Variants in TPRG1 observed in about 807,000 individuals in gnomAD.
TPRG1 encodes the protein tumor protein p63-regulated gene 1 protein.
A neutral mutation model predicts 29.3 loss-of-function variants in TPRG1; 29 were observed. That is an observed-to-expected ratio of 0.99 (90% CI 0.74 to 1.35). TPRG1 has a LOEUF of 1.35. Ranked by LOEUF, TPRG1 falls within the 40% of genes most tolerant of loss-of-function variation. TPRG1 has a pLI of 0.00. For missense variants in TPRG1, 327 were observed against 335.0 expected (o/e 0.98, Z 0.19); for synonymous variants, 130 against 116.8 (o/e 1.11, Z -0.73).
At chr3:189,015,775 GGGCCTGCA>G (rs1712898684) in intron 3 of TPRG1, among the ~76,000 whole-genome samples, 1 of 152,164 alleles carries the variant, frequency 6.6e-6, no homozygotes, top group Non-Finnish European at 1.5e-5. Flanking sequence ...ATGTGGTGTT[GGGCCTGCA>G]GGCACACAGA....
intron 4 of TPRG1, among the ~76,000 whole-genome samples, chr3:189,078,103 T>TTCTC (rs1249000690): frequency 2.5e-5 from 3 of 121,182 alleles, no homozygotes; most frequent in African/African-American, 9.0e-5. Context: ...CTTTCTTTCT[T>TTCTC]TCTTTCTTTC....
chr3:189,130,685 A>G (rs1210916119), intron 2 of TPRG1, among the ~76,000 whole-genome samples: 1 of 152,248 alleles, frequency 6.6e-6, no homozygotes, highest in East Asian at 1.9e-4. Context: ...TTCTGGCAGA[A>G]TATGAACTGC....
intron 3 of TPRG1, among the ~76,000 whole-genome samples, chr3:189,237,596 G>A (rs191636084): frequency 8.5e-4 from 130 of 152,254 alleles, no homozygotes; most frequent in Middle Eastern, 3.4e-3. Flanking sequence ...TGGTTTCAGC[G>A]TACTCTGAGA....
intron 4 of TPRG1, among the ~76,000 whole-genome samples, chr3:189,037,523 T>G (rs1342616418): frequency 1.3e-5 from 2 of 151,922 alleles, no homozygotes; most frequent in African/African-American, 2.4e-5. Flanking sequence ...CAACTTTCAG[T>G]AAGTATTTTT....
rs1724434172 is a variant in TPRG1, at chr3:189,322,845, G to A, written c.*2025G>A. On this transcript the variant is annotated 3_prime_UTR_variant, in exon 6 of 6. Coordinates refer to ENST00000345063, the MANE Select transcript of TPRG1 (RefSeq NM_198485.4). ...CAGGAGGGAGATGTTTCTTAGTTCT[G>A]AGAGCCAGTCTGTAACAATGGGATA... The A allele has an allele frequency of 6.6e-6, 1 of 152,058 alleles. No homozygotes were observed. Among genetic ancestry groups the A allele is most frequent in the African/African-American group, 2.4e-5 (1 of 41,424 alleles). 9.4% of individuals were successfully genotyped at this position (152,058 alleles called of 1,614,324 possible). A position where few individuals can be genotyped will look rare whatever the true frequency, so the allele number is the denominator to read the frequency against.
intron 4 of TPRG1, among the ~76,000 whole-genome samples, chr3:189,148,381 T>A (rs1174800956): frequency 6.6e-6 from 1 of 152,182 alleles, no homozygotes; most frequent in African/African-American, 2.4e-5. Context: ...TGGTTACAAC[T>A]GAATAAGTAC....
At chr3:189,056,031 C>CCCTTCCTTCCTTCCTTCCTTCCTT (rs1192339496) in intron 4 of TPRG1, among the ~76,000 whole-genome samples, 5 of 58,368 alleles carry the variant, frequency 8.6e-5, no homozygotes, top group Non-Finnish European at 1.3e-4. Flanking sequence ...TTCCCTCCCT[C>CCCTTCCTTCCTTCCTTCCTTCCTT]CCTTCCTTCC....
intron 4 of TPRG1, among the ~76,000 whole-genome samples, chr3:189,056,770 A>T (rs1261768249): frequency 6.6e-6 from 1 of 152,186 alleles, no homozygotes; most frequent in Admixed American, 6.5e-5. Context: ...TGAATCCATG[A>T]TACTGCAGCA....
intron 5 of TPRG1, among the ~76,000 whole-genome samples, chr3:189,154,888 G>T (rs1284374016): frequency 6.6e-6 from 1 of 152,186 alleles, no homozygotes; most frequent in Non-Finnish European, 1.5e-5. Context: ...GTTGGGGTGT[G>T]GTGGCTATAT....
intron 1 of TPRG1, among the ~76,000 whole-genome samples, chr3:189,206,044 C>CTTCCTTCCTTCCTTCA (rs1734282809): frequency 6.7e-6 from 1 of 149,152 alleles, no homozygotes; most frequent in Admixed American, 6.7e-5. Flanking sequence ...TCCTTCCTTC[C>CTTCCTTCCTTCCTTCA]TTTCTTCTGT....
intron 4 of TPRG1, among the ~76,000 whole-genome samples, chr3:189,040,310 C>G (rs1303480588): frequency 6.6e-6 from 1 of 152,114 alleles, no homozygotes; most frequent in Non-Finnish European, 1.5e-5. Context: ...AACTTCTATC[C>G]CTTCTTTAGC....
intron 4 of TPRG1, among the ~76,000 whole-genome samples, chr3:189,281,499 TC>T (rs1717120372): frequency 6.6e-6 from 1 of 152,172 alleles, no homozygotes; most frequent in Non-Finnish European, 1.5e-5. Context: ...GTCATTTATA[TC>T]CTGAGCCAAT....
intron 4 of TPRG1, among the ~76,000 whole-genome samples, chr3:189,287,159 C>T (rs1183901481): frequency 3.3e-5 from 5 of 152,046 alleles, no homozygotes; most frequent in Admixed American, 3.3e-4. Flanking sequence ...CCTCACTCTG[C>T]ATTTCAGACA....
In TPRG1 at chr3:189,003,701, A is replaced by T. The variant is rs140447911; in HGVS notation, c.-877-842A>T. Reference sequence around the variant, plus strand: ...TTATCCCTAGATGGGTTGGCATTACAGTTCTCTCTTGTAGACTGGTATGAG... The same window carrying T: ...TTATCCCTAGATGGGTTGGCATTACTGTTCTCTCTTGTAGACTGGTATGAG... On this transcript the variant is annotated intron_variant, in intron 2 of 10. Coordinates refer to the TPRG1 transcript ENST00000433971. Among the ~76,000 whole-genome samples, 1,032 of 152,224 alleles carry T rather than the reference A, an allele frequency of 6.8e-3. 6 individuals carry two copies. Among genetic ancestry groups the T allele is most frequent in the African/African-American group, 0.023 (960 of 41,542 alleles).
chr3:189,126,283 T>A (rs573413352), intron 1 of TPRG1, among the ~76,000 whole-genome samples: 29 of 152,284 alleles, frequency 1.9e-4, no homozygotes, highest in Admixed American at 8.5e-4. Flanking sequence ...TGGCATGACC[T>A]TCTTCTAGTA....
intron 3 of TPRG1, among the ~76,000 whole-genome samples, chr3:189,015,993 A>G (rs1280645505): frequency 6.6e-6 from 1 of 152,072 alleles, no homozygotes; most frequent in East Asian, 1.9e-4. Context: ...CTGTGAGAAG[A>G]AGGCTACCAT....
intron 3 of TPRG1, among the ~76,000 whole-genome samples, chr3:189,013,457 G>A (rs1016626421): frequency 1.3e-5 from 2 of 151,980 alleles, no homozygotes; most frequent in Non-Finnish European, 2.9e-5. Flanking sequence ...TCATTTTTTT[G>A]AGTAAGTGCT....
At chr3:189,195,538 T>A (rs1339335802) in intron 1 of TPRG1, among the ~76,000 whole-genome samples, 1 of 152,156 alleles carries the variant, frequency 6.6e-6, no homozygotes, top group Non-Finnish European at 1.5e-5. Flanking sequence ...AGACACACTC[T>A]AGCCATAGTT....
intron 3 of TPRG1, among the ~76,000 whole-genome samples, chr3:189,222,236 G>T (rs1378757252): frequency 6.6e-6 from 1 of 152,006 alleles, no homozygotes; most frequent in Admixed American, 6.6e-5. Flanking sequence ...ATGGACTAAA[G>T]CCAGTCACAC....
Sources: gnomAD v4.1 joint callset for allele counts (sites outside exome capture counted in the v4.1 genomes callset) on GRCh38, gnomAD v4.1.1 for gene constraint, MANE v1.5 for transcripts, NCBI Gene and HGNC (gene_info 2026-07-23, HGNC 2026-07-21) for gene names.